The following PCDH11Y variants were observed in gnomAD, a reference collection of about 807,000 sequenced individuals.
The protein encoded by PCDH11Y is protocadherin 11 Y-linked, also known as protocadherin-11 Y-linked.
For synonymous variants in PCDH11Y, 9 were observed against 83.6 expected (o/e 0.11, Z 4.87); for missense variants, 12 against 224.8 (o/e 0.05, Z 6.05).
intron 2 of PCDH11Y, among the ~76,000 whole-genome samples, chrY:5,289,218 T>G: frequency 3.0e-5 from 1 of 33,650 alleles, no homozygotes; most frequent in Admixed American, 2.7e-4. Flanking sequence ...ATAGGTAAGT[T>G]TGCTTATTCC....
intron 2 of PCDH11Y, among the ~76,000 whole-genome samples, chrY:5,373,124 C>CTT (rs1422323702): frequency 1.2e-3 from 1 of 869 alleles, no homozygotes; most frequent in Admixed American, 7.8e-3. Context: ...CCCTCCCTCC[C>CTT]TCCTTTCTTT....
intron 2 of PCDH11Y, among the ~76,000 whole-genome samples, chrY:5,360,532 AT>A (rs2053173778): frequency 3.0e-5 from 1 of 33,128 alleles, no homozygotes; most frequent in Admixed American, 2.9e-4. Flanking sequence ...TGCAAAAAAA[AT>A]GTCATTATCT....
intron 2 of PCDH11Y, among the ~76,000 whole-genome samples, chrY:5,391,541 A>C: frequency 3.2e-5 from 1 of 31,478 alleles, no homozygotes; most frequent in South Asian, 7.7e-4. Flanking sequence ...AGACCAGCCC[A>C]GTCAACCGAG....
chrY:5,583,302 T>C, intron 4 of PCDH11Y, among the ~76,000 whole-genome samples: 1 of 32,704 alleles, frequency 3.1e-5, no homozygotes. Context: ...TAATTTGACA[T>C]CAGGTAATGT....
At chrY:5,528,241 A>G in intron 3 of PCDH11Y, among the ~76,000 whole-genome samples, 9 of 32,891 alleles carry the variant, frequency 2.7e-4, no homozygotes, top group Admixed American at 8.3e-4. Flanking sequence ...GAAACGTCAT[A>G]CTTTTTTAAA....
intron 1 of PCDH11Y, among the ~76,000 whole-genome samples, chrY:5,070,728 A>G: frequency 3.1e-5 from 1 of 31,842 alleles, no homozygotes; most frequent in African/African-American, 1.2e-4. Flanking sequence ...GTTTAGGAGT[A>G]CATGTGCAGG....
At chrY:5,121,017 C>A in intron 2 of PCDH11Y, among the ~76,000 whole-genome samples, 1 of 28,646 alleles carries the variant, frequency 3.5e-5, no homozygotes, top group East Asian at 9.1e-4. Context: ...GACTCAATTT[C>A]TTCTTGTGTT....
chrY:5,418,872 A>T, intron 2 of PCDH11Y, among the ~76,000 whole-genome samples: 1 of 32,963 alleles, frequency 3.0e-5, no homozygotes, highest in Non-Finnish European at 7.5e-5. Flanking sequence ...GGAGCTGGGG[A>T]ATCCTTAGGG....
chrY:5,559,860 T>C, intron 3 of PCDH11Y, among the ~76,000 whole-genome samples: 1 of 32,980 alleles, frequency 3.0e-5, no homozygotes, highest in Non-Finnish European at 7.4e-5. Context: ...ATACAGTAAA[T>C]TGGTTCCAGG....
exon 5 of PCDH11Y, chrY:5,741,376 A>G (rs2124716894): frequency 3.1e-5 from 1 of 32,229 alleles, no homozygotes; most frequent in East Asian, 8.1e-4. Context: ...TTTTACTCAC[A>G]TGGATATTTC....
chrY:5,233,891 A>G, intron 2 of PCDH11Y, among the ~76,000 whole-genome samples: 1 of 33,105 alleles, frequency 3.0e-5, no homozygotes, highest in Non-Finnish European at 7.4e-5. Context: ...TTTTAACAAG[A>G]TAGTCTATCC....
chrY:5,125,979 C>T, intron 2 of PCDH11Y, among the ~76,000 whole-genome samples: 1 of 32,803 alleles, frequency 3.0e-5, no homozygotes, highest in African/African-American at 1.2e-4. Flanking sequence ...CAGGGACTGA[C>T]GAATGAGATG....
chrY:5,203,823 T>A, intron 2 of PCDH11Y, among the ~76,000 whole-genome samples: 1 of 31,355 alleles, frequency 3.2e-5, no homozygotes, highest in South Asian at 7.5e-4. Context: ...TAAATTAACC[T>A]ATAACAATTT....
At chrY:5,365,085 C>T (rs2053179015) in intron 2 of PCDH11Y, among the ~76,000 whole-genome samples, 1 of 32,992 alleles carries the variant, frequency 3.0e-5, no homozygotes, top group East Asian at 7.8e-4. Flanking sequence ...TAAAATAAAA[C>T]GGTATGTAAA....
intron 2 of PCDH11Y, among the ~76,000 whole-genome samples, chrY:5,126,546 T>G: frequency 6.1e-5 from 2 of 32,658 alleles, no homozygotes. Context: ...ATTATATTTC[T>G]CAAAAATAAC....
At chrY:5,614,478 T>A in intron 4 of PCDH11Y, among the ~76,000 whole-genome samples, 3 of 31,057 alleles carry the variant, frequency 9.7e-5, no homozygotes, top group Non-Finnish European at 2.3e-4. Flanking sequence ...CCCAATGCTT[T>A]AAACAATCCA....
intron 3 of PCDH11Y, among the ~76,000 whole-genome samples, chrY:5,524,371 A>G (rs2124690667): frequency 3.0e-5 from 1 of 32,883 alleles, no homozygotes; most frequent in Non-Finnish European, 7.6e-5. Flanking sequence ...TGTTTTCACT[A>G]TTCCTGTTGT....
chrY:5,588,205 G>C, intron 4 of PCDH11Y, among the ~76,000 whole-genome samples: 1 of 28,093 alleles, frequency 3.6e-5, no homozygotes. Context: ...TAAAAATGTA[G>C]AGAAAACTCA....
intron 3 of PCDH11Y, among the ~76,000 whole-genome samples, chrY:5,547,245 T>TTATCTATCTATCTATCTATC (rs541682691): frequency 5.2e-5 from 1 of 19,056 alleles, no homozygotes; most frequent in Non-Finnish European, 1.1e-4. Flanking sequence ...AACCTAAATT[T>TTATCTATCTATCTATCTATC]TATCTATCTA....
Sources: gnomAD v4.1 joint callset for allele counts (sites outside exome capture counted in the v4.1 genomes callset) on GRCh38, gnomAD v4.1.1 for gene constraint, MANE v1.5 for transcripts, NCBI Gene and HGNC (gene_info 2026-07-23, HGNC 2026-07-21) for gene names.